The following PPIE variants were observed in gnomAD, a reference collection of about 807,000 sequenced individuals.
PPIE encodes peptidylprolyl isomerase E.
A neutral mutation model predicts 38.4 loss-of-function variants in PPIE; 20 were observed. That is an observed-to-expected ratio of 0.52 (90% CI 0.37 to 0.76). The LOEUF is 0.76. PPIE is among the 30% of genes least tolerant of loss of function. PPIE has a pLI of 0.00. For synonymous variants in PPIE, 142 were observed against 135.7 expected, an observed-to-expected ratio of 1.05 and a Z score of -0.32; for missense variants, 322 against 385.8, an observed-to-expected ratio of 0.83 and a Z score of 1.39.
At chr1:39,763,064 G>C in intron 9 of PPIE, 3 of 1,609,920 alleles carry the variant, frequency 1.9e-6, no homozygotes, top group Non-Finnish European at 2.6e-6. Flanking sequence ...CACCCCAGGG[G>C]GCTGGGCAGG....
At chr1:39,757,170 T>TA (rs1455906367), downstream of PPIE, 1 of 152,226 alleles carries the variant, frequency 6.6e-6, no homozygotes, top group East Asian at 1.9e-4. Flanking sequence ...CTGAAATAAA[T>TA]ACATCATCAC....
At chr1:39,763,370 T>C (rs1303878463) in intron 9 of PPIE, among the ~76,000 whole-genome samples, 2 of 100,340 alleles carry the variant, frequency 2.0e-5, no homozygotes, top group Non-Finnish European at 5.0e-5. Context: ...ACATCCCCCA[T>C]ATCTTCACTT....
chr1:39,763,839 G>A, exon 10 of PPIE: 1 of 1,579,796 alleles, frequency 6.3e-7, no homozygotes, highest in Non-Finnish European at 8.6e-7. Flanking sequence ...CCTACTGTGT[G>A]CAGCTACTAT....
At chr1:39,762,590 G>T in intron 9 of PPIE, 1 of 1,550,268 alleles carries the variant, frequency 6.5e-7, no homozygotes, top group South Asian at 1.2e-5. Flanking sequence ...AGAAACTGGG[G>T]GAAAAGCCAA....
At chr1:39,741,324 C>T (rs754962325) in intron 2 of PPIE, 42 bp from the exon 3 acceptor site, 1 of 1,590,118 alleles carries the variant, frequency 6.3e-7, no homozygotes. Flanking sequence ...CTTCCCACTA[C>T]CCCACATAGT....
intron 8 of PPIE, among the ~76,000 whole-genome samples, chr1:39,750,571 C>T (rs369900635): frequency 3.9e-5 from 6 of 152,172 alleles, no homozygotes; most frequent in Admixed American, 6.5e-5. Context: ...TATCAGTGCT[C>T]GTGAAGTTTC....
At chr1:39,750,333 A>C (rs909553219) in intron 8 of PPIE, among the ~76,000 whole-genome samples, 4 of 152,142 alleles carry the variant, frequency 2.6e-5, no homozygotes, top group Non-Finnish European at 4.4e-5. Context: ...CACTCTTGCC[A>C]AAAATACGAG....
At chr1:39,760,030 AGTGGGCTCC>A, downstream of PPIE, 1 of 249,002 alleles carries the variant, frequency 4.0e-6, no homozygotes, top group Non-Finnish European at 7.9e-6. Flanking sequence ...GGTGGCCAAC[AGTGGGCTCC>A]AGGTGCCTCT....
rs992241244 is a variant in PPIE at position 39,755,057 on chromosome 1, G to A, written c.*1702G>A. 4.1e-5 allele frequency: 40 copies of A among 985,354 alleles called. No homozygotes were observed. Among genetic ancestry groups the A allele is most frequent in the Non-Finnish European group, 4.8e-5 (40 of 829,954 alleles). The allele number at this position is 985,354 out of a possible 1,614,324, so 61.0% of individuals were successfully genotyped here. On this transcript the variant is annotated 3_prime_UTR_variant, in exon 10 of 10. Transcript: ENST00000324379. ...GGTCCCACCCCCTGCTGAGCTCACA[G>A]TCTGGCTCTCCTGTGTGCAGCCACT...
chr1:39,761,430 A>AC (rs1231491050), downstream of PPIE: 3 of 79,680 alleles, frequency 3.8e-5, no homozygotes, highest in African/African-American at 1.5e-4. Flanking sequence ...CACCACCCCC[A>AC]CCCCCAATCC....
At chr1:39,741,548 A>G in intron 3 of PPIE, 139 bp downstream of exon 3, 2 of 880,396 alleles carry the variant, frequency 2.3e-6, no homozygotes, top group African/African-American at 3.3e-5. Flanking sequence ...GTGCTGTTCT[A>G]AGGAAAGCGT....
Position 39,743,130 on chromosome 1 carries a change from G to T in PPIE, c.202-86G>T, listed in dbSNP as rs1042282109. 18 of 1,174,260 alleles carry T rather than the reference G, an allele frequency of 1.5e-5. No homozygotes were observed. The African/African-American group carries it at 2.1e-4, about 14-fold the overall frequency. The allele number at this position is 1,174,260 out of a possible 1,614,324, so 72.7% of individuals were successfully genotyped here. On this transcript the variant is annotated intron_variant, in intron 4 of 9. Transcript: ENST00000324379. The stretch of plus-strand genomic sequence containing the variant: ...CAGGGATTAAGGGAGGACAAATCAT[G>T]AGTGTGTCTCAGAAGTATATGGAAA...
At chr1:39,763,155 C>G in intron 9 of PPIE, 1 of 1,614,038 alleles carries the variant, frequency 6.2e-7, no homozygotes, top group South Asian at 1.1e-5. Flanking sequence ...AGGAGCACTC[C>G]CCCTCACAGT....
rs762531526 is a variant in PPIE, at chr1:39,754,898, T to C, written c.*1543T>C. On this transcript the variant is annotated 3_prime_UTR_variant, in exon 10 of 10. Coordinates refer to ENST00000324379, the MANE Select transcript of PPIE (RefSeq NM_006112.4). ...ATCATCACAGCAACATCTAGACTAG[T>C]GTTTGACTAAAAACTGGATACCATG... is the stretch of plus-strand genomic sequence containing the variant. 21 of 473,720 alleles carry C rather than the reference T, an allele frequency of 4.4e-5. No individual in the cohort carries two copies. Among genetic ancestry groups the C allele is most frequent in the Non-Finnish European group, 5.2e-5 (19 of 362,428 alleles). The allele number at this position is 473,720 out of a possible 1,614,324, so 29.3% of individuals were successfully genotyped here. A position where few individuals can be genotyped will look rare whatever the true frequency, so the allele number is the denominator to read the frequency against.
intron 8 of PPIE, among the ~76,000 whole-genome samples, chr1:39,752,476 T>C (rs988666259): frequency 7.9e-5 from 12 of 152,130 alleles, no homozygotes; most frequent in Non-Finnish European, 1.3e-4. Flanking sequence ...CATGTACACA[T>C]ACACACACAG....
rs954569374 is a variant in PPIE at position 39,752,852 on chromosome 1, C to T, written c.695-58C>T. ...AAGGGCTGTCAACAGCCTGCACAGACGTCCTTTAAGGGCTGGTAGCCAGGG... is the reference window on the plus strand; with the variant it reads ...AAGGGCTGTCAACAGCCTGCACAGATGTCCTTTAAGGGCTGGTAGCCAGGG... On this transcript the variant is annotated intron_variant, in intron 8 of 9. Coordinates refer to ENST00000324379, the MANE Select transcript of PPIE (RefSeq NM_006112.4). The T allele has an allele frequency of 1.7e-5, 26 of 1,573,820 alleles. No individual in the cohort carries two copies. In the Middle Eastern group the frequency reaches 6.8e-4, roughly 41 times the overall value.
chr1:39,757,988 G>A (rs1169179258), downstream of PPIE: 2 of 152,160 alleles, frequency 1.3e-5, no homozygotes, highest in Admixed American at 6.5e-5. Context: ...ATTGGTTCCT[G>A]CTATGCACAG....
At chr1:39,748,764 C>A in intron 7 of PPIE, 139 bp from the exon 8 acceptor site, 1 of 745,146 alleles carries the variant, frequency 1.3e-6, no homozygotes, top group Non-Finnish European at 2.2e-6. Context: ...ATAGTCCTTA[C>A]AAGGTTAGTA....
chr1:39,750,084 G>A (rs1647557322), intron 8 of PPIE, among the ~76,000 whole-genome samples: 1 of 151,904 alleles, frequency 6.6e-6, no homozygotes, highest in African/African-American at 2.4e-5. Flanking sequence ...GATGAGCCAA[G>A]ATCGCACCAT....
Sources: gnomAD v4.1 joint callset for allele counts (sites outside exome capture counted in the v4.1 genomes callset) on GRCh38, gnomAD v4.1.1 for gene constraint, MANE v1.5 for transcripts, NCBI Gene and HGNC (gene_info 2026-07-23, HGNC 2026-07-21) for gene names.